PEBP4: variants seen among roughly 807,000 people sequenced by gnomAD.
The protein encoded by PEBP4 is phosphatidylethanolamine binding protein 4.
Under a neutral mutation model 23.9 loss-of-function variants are expected in PEBP4, and 22 were observed. The ratio of observed to expected loss-of-function variants is 0.92; its 90% CI spans 0.66 to 1.31. The LOEUF (loss-of-function observed/expected upper bound fraction) is 1.31, where lower values mean the gene tolerates loss of function less well. Among genes scored for constraint, PEBP4 ranks in the 40% most tolerant of loss-of-function variants. PEBP4 has a pLI of 0.00. For missense variants in PEBP4, 324 were observed against 281.7 expected, an observed-to-expected ratio of 1.15 and a Z score of -1.07; for synonymous variants, 112 against 99.3, an observed-to-expected ratio of 1.13 and a Z score of -0.76.
chr8:22,909,594 C>T (rs1433440273), intron 3 of PEBP4, among the ~76,000 whole-genome samples: 2 of 152,156 alleles, frequency 1.3e-5, no homozygotes. Context: ...TTCCCAGGGC[C>T]TGGAGCAGTC....
At chr8:22,850,052 G>A (rs1553777) in intron 3 of PEBP4, among the ~76,000 whole-genome samples, 125,035 of 151,562 alleles carry the variant, frequency 0.82, 53,650 homozygotes, top group Non-Finnish European at 0.93. Context: ...ATGTCCACAC[G>A]TAAGGACTCC....
At chr8:22,770,809 C>T (rs1379906412) in intron 4 of PEBP4, among the ~76,000 whole-genome samples, 1 of 152,210 alleles carries the variant, frequency 6.6e-6, no homozygotes, top group African/African-American at 2.4e-5. Context: ...CACACGTATC[C>T]ACGCATCCGC....
chr8:22,813,795 G>T (rs1463177333), intron 4 of PEBP4, among the ~76,000 whole-genome samples: 2 of 152,192 alleles, frequency 1.3e-5, no homozygotes, highest in Non-Finnish European at 2.9e-5. Flanking sequence ...ATCTGTCTCT[G>T]CCTGTCCTAG....
At chr8:22,815,209 A>G (rs961280548) in intron 4 of PEBP4, 4 of 152,214 alleles carry the variant, frequency 2.6e-5, no homozygotes, top group African/African-American at 7.2e-5. Context: ...TGCTCCACAA[A>G]TGAGTGATGT....
chr8:22,894,576 T>C (rs1200740117), intron 3 of PEBP4, among the ~76,000 whole-genome samples: 1 of 152,086 alleles, frequency 6.6e-6, no homozygotes, highest in Admixed American at 6.6e-5. Flanking sequence ...AGTGAGACCC[T>C]GTCTCTAAAA....
At chr8:22,931,828 T>G (rs1381701614), upstream of PEBP4, among the ~76,000 whole-genome samples, 1 of 152,200 alleles carries the variant, frequency 6.6e-6, no homozygotes, top group Non-Finnish European at 1.5e-5. Context: ...AGTCTTTCAT[T>G]TGATTCTAAA....
At chr8:22,830,477 G>A (rs1288589975) in intron 3 of PEBP4, among the ~76,000 whole-genome samples, 4 of 151,932 alleles carry the variant, frequency 2.6e-5, no homozygotes, top group Non-Finnish European at 5.9e-5. Flanking sequence ...CCTAACCTCC[G>A]ACTCAGGAAC....
At position 22,771,910 on chromosome 8, in the gene PEBP4, T is replaced by G. The variant is rs533186309; in HGVS notation, c.358-44690A>C. On this transcript the variant is annotated intron_variant, in intron 4 of 6. Transcript: ENST00000256404. Reference sequence around the variant, plus strand: ...CTGCAAAATTGCCCTGAGCTGCTACTCTCAGCACAGTGCCTATGGGGTAGC... The same window carrying G: ...CTGCAAAATTGCCCTGAGCTGCTACGCTCAGCACAGTGCCTATGGGGTAGC... 1.6e-3 allele frequency among the ~76,000 whole-genome samples: 243 copies of G among 152,374 alleles called. 1 individual carries two copies. Among genetic ancestry groups the G allele is most frequent in the Middle Eastern group, 0.01 (3 of 294 alleles).
intron 4 of PEBP4, among the ~76,000 whole-genome samples, chr8:22,785,292 C>G (rs571765880): frequency 6.6e-6 from 1 of 152,160 alleles, no homozygotes; most frequent in Middle Eastern, 3.2e-3. Flanking sequence ...ATACTAGAAC[C>G]GGAATCGAGA....
intron 3 of PEBP4, among the ~76,000 whole-genome samples, chr8:22,904,662 G>A (rs7831103): frequency 0.042 from 6,364 of 152,180 alleles, 149 homozygotes; most frequent in African/African-American, 0.069. Flanking sequence ...TATATTCTCC[G>A]TTCGCCTAGT....
chr8:22,736,537 C>T (rs1032282190), intron 4 of PEBP4, among the ~76,000 whole-genome samples: 13 of 152,082 alleles, frequency 8.5e-5, no homozygotes, highest in South Asian at 4.2e-4. Context: ...GCTGGGAATT[C>T]GAGGCTGTAG....
At chr8:22,760,045 T>C (rs1805475685) in intron 4 of PEBP4, among the ~76,000 whole-genome samples, 1 of 152,186 alleles carries the variant, frequency 6.6e-6, no homozygotes, top group Non-Finnish European at 1.5e-5. Context: ...TTATCAGGCA[T>C]TTTGATTGTG....
chr8:22,904,834 A>G (rs1216883855), intron 3 of PEBP4, among the ~76,000 whole-genome samples: 1 of 152,198 alleles, frequency 6.6e-6, no homozygotes, highest in Non-Finnish European at 1.5e-5. Context: ...GCTATATGGT[A>G]CTTTTTCATA....
At chr8:22,924,756 G>C (rs754531331) in intron 2 of PEBP4, 74 of 985,214 alleles carry the variant, frequency 7.5e-5, no homozygotes, top group Non-Finnish European at 8.9e-5. Context: ...TGCAGGTTTG[G>C]AGAATCATGG....
intron 4 of PEBP4, among the ~76,000 whole-genome samples, chr8:22,730,724 T>C (rs553893652): frequency 3.7e-4 from 56 of 152,174 alleles, no homozygotes; most frequent in African/African-American, 1.3e-3. Context: ...AGCCCAGCAT[T>C]TGAGGAACAC....
In PEBP4 at chr8:22,905,989, T is replaced by C. The variant is rs146742824; in HGVS notation, c.258+14195A>G. ...AGGAATCCAATTCCAAACCTGAAATTACCCATCACTCTATTTGCAAGATGA... is the reference window on the plus strand; with the variant it reads ...AGGAATCCAATTCCAAACCTGAAATCACCCATCACTCTATTTGCAAGATGA... On this transcript the variant is annotated intron_variant, in intron 3 of 6. Coordinates refer to ENST00000256404, the MANE Select transcript of PEBP4 (RefSeq NM_144962.3). Among the ~76,000 whole-genome samples, 9 of 152,252 alleles carry C rather than the reference T, an allele frequency of 5.9e-5. No individual in the cohort carries two copies. The East Asian group carries it at 1.7e-3, about 29-fold the overall frequency.
chr8:22,832,474 A>G (rs1807106729), intron 3 of PEBP4, among the ~76,000 whole-genome samples: 1 of 152,150 alleles, frequency 6.6e-6, no homozygotes, highest in Non-Finnish European at 1.5e-5. Flanking sequence ...TAGAACTGTG[A>G]GAATAAATGT....
chr8:22,786,644 C>A (rs543915623), intron 4 of PEBP4, among the ~76,000 whole-genome samples: 1 of 152,130 alleles, frequency 6.6e-6, no homozygotes, highest in Non-Finnish European at 1.5e-5. Context: ...AGGGCAGCAG[C>A]TTGGGGGAGC....
chr8:22,884,054 T>C (rs1377024202), intron 3 of PEBP4: 2 of 152,308 alleles, frequency 1.3e-5, no homozygotes, highest in South Asian at 2.1e-4. Flanking sequence ...CTGGAGTTGA[T>C]GCATCTTGAC....
Sources: gnomAD v4.1 joint callset for allele counts (sites outside exome capture counted in the v4.1 genomes callset) on GRCh38, gnomAD v4.1.1 for gene constraint, MANE v1.5 for transcripts, NCBI Gene and HGNC (gene_info 2026-07-23, HGNC 2026-07-21) for gene names.